Variants in MEX3B observed in about 807,000 individuals in gnomAD.
The protein encoded by MEX3B is mex-3 RNA binding family member B.
Under a neutral mutation model 12.2 loss-of-function variants are expected in MEX3B, and 10 were observed. The ratio of observed to expected loss-of-function variants is 0.82; its 90% confidence interval spans 0.51 to 1.40. The LOEUF is 1.40. Ranked by LOEUF, MEX3B falls within the 40% of genes most tolerant of loss-of-function variation. MEX3B has a pLI of 0.00. For missense variants in MEX3B, 839 were observed against 801.4 expected, an observed-to-expected ratio of 1.05 and a Z score of -0.57; for synonymous variants, 498 against 356.3, an observed-to-expected ratio of 1.40 and a Z score of -4.48.
Position 82,045,710 on chromosome 15 carries a change from C to T in MEX3B, c.-5G>A. ...TGCGAACAGCGAGCTGGGCATCGCTCGGCCGTGCGCGCCGCGCCCCCGCCG... is the reference window on the plus strand; with the variant it reads ...TGCGAACAGCGAGCTGGGCATCGCTTGGCCGTGCGCGCCGCGCCCCCGCCG... On this transcript the variant is annotated 5_prime_UTR_variant, in exon 1 of 2. Coordinates refer to ENST00000329713, the MANE Select transcript of MEX3B (RefSeq NM_032246.6). 7.5e-7 allele frequency: 1 copy of T among 1,340,884 alleles called. No homozygotes were observed. Among genetic ancestry groups the T allele is most frequent in the Non-Finnish European group, 9.5e-7 (1 of 1,054,418 alleles). The allele number at this position is 1,340,884 out of a possible 1,614,324, so 83.1% of individuals were successfully genotyped here.
intron 1 of MEX3B, chr15:82,045,096 A>G (rs371250287): frequency 1.7e-6 from 1 of 599,578 alleles, no homozygotes; most frequent in South Asian, 2.0e-5. Context: ...TCCTCCTCCC[A>G]TCCTATGCTC....
chr15:82,045,204 G>A lies in MEX3B; in HGVS notation c.256+246C>T, dbSNP rs1471742203. 6.4e-6 allele frequency: 4 copies of A among 628,864 alleles called. No individual in the cohort carries two copies. In the East Asian group the frequency reaches 8.2e-5, roughly 13 times the overall value. 39.0% of individuals were successfully genotyped at this position (628,864 alleles called of 1,614,324 possible). A position where few individuals can be genotyped will look rare whatever the true frequency, so the allele number is the denominator to read the frequency against. ...CTTTCTGGAGGTGGGCTGGTTGGGGGGCGTTAGGGGAGAAGGCAGTGATTT... is the reference window on the plus strand; with the variant it reads ...CTTTCTGGAGGTGGGCTGGTTGGGGAGCGTTAGGGGAGAAGGCAGTGATTT... On this transcript the variant is annotated intron_variant, in intron 1 of 1. Coordinates refer to ENST00000329713, the MANE Select transcript of MEX3B (RefSeq NM_032246.6).
chr15:82,043,839 G>A lies in MEX3B; in HGVS notation c.1031C>T (p.Ala344Val). 3 of 1,591,766 alleles carry A rather than the reference G, an allele frequency of 1.9e-6. No homozygotes were observed. Among genetic ancestry groups the A allele is most frequent in the Non-Finnish European group, 2.6e-6 (3 of 1,169,542 alleles). Residue 344 changes from alanine to valine, a missense_variant, in exon 2 of 2, where the codon GCG becomes GTG. Around this residue, in one of 3 missense-constraint regions of MEX3B, gnomAD observed 573 missense variants for 488.9 expected, o/e 1.17. Transcript: ENST00000329713. ...GGATGGCACTGAGGCTTCTCCCCCC[G>A]CTGTGTAGGTGTACCCATTGCCGTT... ...NNNGNGYTYT[A>V]GGEASVPSPD...
At position 82,044,421 on chromosome 15, in the gene MEX3B, G is replaced by A. The variant is rs762417043; in HGVS notation, c.449C>T (p.Ala150Val). 19 of 1,612,146 alleles carry A rather than the reference G, an allele frequency of 1.2e-5. No homozygotes were observed. Among genetic ancestry groups the A allele is most frequent in the Non-Finnish European group, 1.1e-5 (13 of 1,179,770 alleles). Reference protein sequence around the residue: ...SRNKNTALNGAVPGPPNLPGQ... With the variant: ...SRNKNTALNGVVPGPPNLPGQ... ...GGGCAGGTTGGGCGGCCCAGGCACCGCGCCGTTGAGTGCCGTGTTCTTATT... is the reference window on the plus strand; with the variant it reads ...GGGCAGGTTGGGCGGCCCAGGCACCACGCCGTTGAGTGCCGTGTTCTTATT... The change falls in exon 2 of 2, where the codon GCG (alanine) becomes GTG (valine). Residue 150 changes from alanine to valine, a missense_variant. Ala to Val is a moderately conservative substitution (Grantham distance 64). Transcript: ENST00000329713. This position sits in a 1 kb window ranked among gnomAD's most constrained non-coding sequence, Gnocchi z 5.3.
rs749228578 is a variant in MEX3B, at chr15:82,044,072, G to C, written c.798C>G (p.Ser266Arg). The change falls in exon 2 of 2, where the codon AGC becomes AGG. Residue 266 changes from serine to arginine, a missense_variant. Transcript: ENST00000329713. This position sits in a 1 kb window ranked among gnomAD's most constrained non-coding sequence, Gnocchi z 5.3. ...TGGGCGTGATGCTGGGGGTGGGCTTGCTCCAGAGGCTGCCTGGGCCGGACC... is the reference window on the plus strand; with the variant it reads ...TGGGCGTGATGCTGGGGGTGGGCTTCCTCCAGAGGCTGCCTGGGCCGGACC... Reference protein sequence around the residue: ...SGGSGPGSLWSKPTPSITPTP... With the variant: ...SGGSGPGSLWRKPTPSITPTP... 1 of 1,609,958 alleles carries C rather than the reference G, an allele frequency of 6.2e-7. No individual in the cohort carries two copies. The highest frequency in any genetic ancestry group is 1.1e-5 in the South Asian group (1 of 90,932).
In MEX3B at chr15:82,043,828, C is replaced by T; in HGVS notation, c.1042G>A (p.Ala348Thr). Residue 348 changes from alanine (A) to threonine (T), a missense_variant, in exon 2 of 2, where the codon GCC (alanine) becomes ACC (threonine). Physicochemically the swap from Ala to Thr is moderately conservative, Grantham distance 58. Coordinates refer to ENST00000329713, the MANE Select transcript of MEX3B (RefSeq NM_032246.6). ...CAGCCGTCGGGGGATGGCACTGAGG[C>T]TTCTCCCCCCGCTGTGTAGGTGTAC... The part of the protein sequence containing the change: ...NGYTYTAGGE[A>T]SVPSPDGCPE... 4 of 1,590,910 alleles carry T rather than the reference C, an allele frequency of 2.5e-6. No individual in the cohort carries two copies. The highest frequency in any genetic ancestry group is 1.1e-5 in the South Asian group (1 of 87,158).
At position 82,045,624 on chromosome 15, in the gene MEX3B, G is replaced by A; in HGVS notation, c.82C>T (p.Leu28=). ...GGGSSGGGET[L]DDQRALQLAL... ...AGCTGCAGGGCTCTTTGGTCATCCA[G>A]GGTCTCTCCCCCTCCGCTGCTGCCG... is the stretch of plus-strand genomic sequence containing the variant. Residue 28 remains leucine (L), a synonymous_variant, in exon 1 of 2, where the codon CTG becomes TTG. Coordinates refer to ENST00000329713, the MANE Select transcript of MEX3B (RefSeq NM_032246.6). 1 of 1,600,260 alleles carries A rather than the reference G, an allele frequency of 6.2e-7. No homozygotes were observed. The highest frequency in any genetic ancestry group is 8.5e-7 in the Non-Finnish European group (1 of 1,176,580).
rs2073243021 is a variant in MEX3B at position 82,044,369 on chromosome 15, T to C, written c.501A>G (p.Val167=). The change falls in exon 2 of 2, where the codon GTA becomes GTG. Residue 167 remains valine, a synonymous_variant. Transcript: ENST00000329713. The surrounding 1 kb of genome is among the most constrained non-coding windows in gnomAD (Gnocchi z 5.3). ...CCACGAGCCCCACCACGCGGTAGGG[T>C]ACCCGCACTTGGATGGTGGTCTGCC... The part of the protein sequence containing the change: ...LPGQTTIQVR[V]PYRVVGLVVG... 22 of 1,611,438 alleles carry C rather than the reference T, an allele frequency of 1.4e-5. No homozygotes were observed. Among genetic ancestry groups the C allele is most frequent in the Non-Finnish European group, 1.9e-5 (22 of 1,179,680 alleles).
chr15:82,044,951 G>C lies in MEX3B; in HGVS notation c.257-338C>G, dbSNP rs1168300070. 2 of 576,314 alleles carry C rather than the reference G, an allele frequency of 3.5e-6. No individual in the cohort carries two copies. The highest frequency in any genetic ancestry group is 2.9e-5 in the East Asian group (1 of 33,986). The allele number at this position is 576,314 out of a possible 1,614,324, so 35.7% of individuals were successfully genotyped here. ...GGCGCGCCGTCAGCTCTGAAGACACGGGGAAGGGGCTCGGGGAAGGCAGCT... is the reference window on the plus strand; with the variant it reads ...GGCGCGCCGTCAGCTCTGAAGACACCGGGAAGGGGCTCGGGGAAGGCAGCT... On this transcript the variant is annotated intron_variant, in intron 1 of 1. Coordinates refer to ENST00000329713, the MANE Select transcript of MEX3B (RefSeq NM_032246.6). The surrounding 1 kb of genome is among the most constrained non-coding windows in gnomAD (Gnocchi z 5.3).
In MEX3B at chr15:82,044,910, C is replaced by T. The variant is rs540126055; in HGVS notation, c.257-297G>A. The T allele has an allele frequency of 6.1e-5, 35 of 574,988 alleles. No individual in the cohort carries two copies. Among genetic ancestry groups the T allele is most frequent in the Non-Finnish European group, 9.9e-5 (32 of 322,726 alleles). The allele number at this position is 574,988 out of a possible 1,614,324, so 35.6% of individuals were successfully genotyped here. On this transcript the variant is annotated intron_variant, in intron 1 of 1. Transcript: ENST00000329713. The surrounding 1 kb of genome is among the most constrained non-coding windows in gnomAD (Gnocchi z 5.3). The stretch of plus-strand genomic sequence containing the variant: ...CCAGAAAAGTCATCTGGGGAGATGC[C>T]GCTGGGATCCAGCTGGGCGCGCCGT...
In MEX3B at chr15:82,045,372, G is replaced by C. The variant is rs546988218; in HGVS notation, c.256+78C>G. 242 of 1,503,806 alleles carry C rather than the reference G, an allele frequency of 1.6e-4. No individual in the cohort carries two copies. In the African/African-American group the frequency reaches 2.9e-3, roughly 18 times the overall value. The allele number at this position is 1,503,806 out of a possible 1,614,324, so 93.2% of individuals were successfully genotyped here. ...ACCCCACGCCGCGGATCCCGATACT[G>C]AACACGCCTTCCCCTCGAGGCAGTG... On this transcript the variant is annotated intron_variant, in intron 1 of 1. Transcript: ENST00000329713.
In MEX3B at chr15:82,044,769, G is replaced by C. The variant is rs1316423582; in HGVS notation, c.257-156C>G. Reference sequence around the variant, plus strand: ...AGGGGGCGTCTCCCTCACTGACCTCGGGCCGCGCCACGGGCTGGGCAGCGG... The same window carrying C: ...AGGGGGCGTCTCCCTCACTGACCTCCGGCCGCGCCACGGGCTGGGCAGCGG... On this transcript the variant is annotated intron_variant, in intron 1 of 1. Coordinates refer to ENST00000329713, the MANE Select transcript of MEX3B (RefSeq NM_032246.6). This position sits in a 1 kb window ranked among gnomAD's most constrained non-coding sequence, Gnocchi z 5.3. 4.1e-5 allele frequency: 31 copies of C among 747,566 alleles called. No individual in the cohort carries two copies. Among genetic ancestry groups the C allele is most frequent in the East Asian group, 1.6e-4 (6 of 37,218 alleles). The allele number at this position is 747,566 out of a possible 1,614,324, so 46.3% of individuals were successfully genotyped here.
chr15:82,044,091 C>T lies in MEX3B; in HGVS notation c.779G>A (p.Gly260Asp). 6.2e-7 allele frequency: 1 copy of T among 1,611,298 alleles called. No homozygotes were observed. ...FDLHHGSGGS[G>D]PGSLWSKPTP... ...GGGCTTGCTCCAGAGGCTGCCTGGG[C>T]CGGACCCGCCGGACCCATGATGCAG... The change falls in exon 2 of 2, where the codon GGC becomes GAC. Residue 260 changes from glycine to aspartate, a missense_variant. By Grantham distance (94) the Gly-to-Asp change is moderately conservative. This residue lies in a region of MEX3B where 573 missense variants were observed against 488.9 expected (regional missense o/e 1.17). Coordinates refer to ENST00000329713, the MANE Select transcript of MEX3B (RefSeq NM_032246.6). The surrounding 1 kb of genome is among the most constrained non-coding windows in gnomAD (Gnocchi z 5.3).
In MEX3B at chr15:82,045,830, T is replaced by C. The variant is rs1228240872; in HGVS notation, c.-125A>G. The C allele has an allele frequency of 9.2e-7, 1 of 1,092,212 alleles. No individual in the cohort carries two copies. Among genetic ancestry groups the C allele is most frequent in the East Asian group, 3.4e-5 (1 of 29,682 alleles). 67.7% of individuals were successfully genotyped at this position (1,092,212 alleles called of 1,614,324 possible). ...GGCCGGTCGCCTGCTGAGGGCTCCG[T>C]TGCTTCTTCCTCGGTGCTGGGAGGA... On this transcript the variant is annotated 5_prime_UTR_variant, in exon 1 of 2. Transcript: ENST00000329713.
Position 82,043,199 on chromosome 15 carries a change from G to A in MEX3B, c.1671C>T (p.Cys557=). ...CEKSEPECPV[C]HTAVTQAIRI... is the part of the protein sequence containing the mutation. The stretch of plus-strand genomic sequence containing the variant: ...GGATGGCCTGAGTGACCGCGGTGTG[G>A]CAGACCGGGCACTCGGGCTCGCTCT... Residue 557 remains cysteine, a synonymous_variant, in exon 2 of 2, where the codon TGC becomes TGT. Coordinates refer to ENST00000329713, the MANE Select transcript of MEX3B (RefSeq NM_032246.6). 1.3e-6 allele frequency: 2 copies of A among 1,560,986 alleles called. No homozygotes were observed. Among genetic ancestry groups the A allele is most frequent in the African/African-American group, 1.4e-5 (1 of 73,530 alleles).
Position 82,043,530 on chromosome 15 carries a change from A to C in MEX3B, c.1340T>G (p.Met447Arg). 1 of 1,517,156 alleles carries C rather than the reference A, an allele frequency of 6.6e-7. No homozygotes were observed. The highest frequency in any genetic ancestry group is 8.8e-7 in the Non-Finnish European group (1 of 1,133,284). 94.0% of individuals were successfully genotyped at this position (1,517,156 alleles called of 1,614,324 possible). A position where few individuals can be genotyped will look rare whatever the true frequency, so the allele number is the denominator to read the frequency against. Residue 447 changes from methionine to arginine, a missense_variant, in exon 2 of 2, where the codon ATG (methionine) becomes AGG (arginine). Transcript: ENST00000329713. ...SCPRLSPPLH[M>R]APGAGEHHLA... ...GTGGTGCTCTCCCGCCCCCGGGGCC[A>C]TGTGCAAGGGTGGAGACAGGCGCGG...
intron 1 of MEX3B, 80 bp downstream of exon 1, chr15:82,045,370 C>A (rs764842725): frequency 5.3e-6 from 8 of 1,500,386 alleles, no homozygotes; most frequent in African/African-American, 1.4e-5. Context: ...GATCCCGATA[C>A]TGAACACGCC....
rs532191293 is a variant in MEX3B, at chr15:82,043,835, C to T, written c.1035G>A (p.Gly345=). The T allele has an allele frequency of 3.1e-6, 5 of 1,591,922 alleles. No homozygotes were observed. The highest frequency in any genetic ancestry group is 4.3e-6 in the Non-Finnish European group (5 of 1,169,532). Reference sequence around the variant, plus strand: ...CGGGGGATGGCACTGAGGCTTCTCCCCCCGCTGTGTAGGTGTACCCATTGC... The same window carrying T: ...CGGGGGATGGCACTGAGGCTTCTCCTCCCGCTGTGTAGGTGTACCCATTGC... ...NNGNGYTYTA[G]GEASVPSPDG... Residue 345 remains glycine (G), a synonymous_variant, in exon 2 of 2, where the codon GGG becomes GGA. Coordinates refer to ENST00000329713, the MANE Select transcript of MEX3B (RefSeq NM_032246.6).
In MEX3B at chr15:82,045,645, TGCCGCCGCC is replaced by T. The variant is rs560390686; in HGVS notation, c.52_60del (p.Gly18_Gly20del). 1.8e-5 allele frequency: 28 copies of T among 1,575,686 alleles called. No homozygotes were observed. In the African/African-American group the frequency reaches 1.9e-4, roughly 11 times the overall value. On this transcript the variant is annotated inframe_deletion, in exon 1 of 2. Transcript: ENST00000329713. ...TCCAGGGTCTCTCCCCCTCCGCTGC[TGCCGCCGCC>T]GCCGCCGCCGCTGCCGTTGCGCTCC... is the stretch of plus-strand genomic sequence containing the variant.
Sources: gnomAD v4.1 joint callset for allele counts on GRCh38, gnomAD v4.1.1 for gene constraint, gnomAD v4.1.1 regional missense constraint, Gnocchi (gnomAD v3.1) non-coding constraint, MANE v1.5 for transcripts, NCBI Gene and HGNC (gene_info 2026-07-23, HGNC 2026-07-21) for gene names.